Variants in DDX39B observed in about 807,000 individuals in gnomAD.
DDX39B encodes spliceosome RNA helicase DDX39B.
DDX39B carries 6 observed loss-of-function variants against 46.4 expected under a neutral mutation model. The observed-to-expected ratio is 0.13, with a 90% confidence interval of 0.07 to 0.26. The LOEUF is 0.26. Ranked by LOEUF, DDX39B falls within the 10% of genes least tolerant of loss-of-function variation. The pLI is 1.00. For synonymous variants in DDX39B, 174 were observed against 199.4 expected (o/e 0.87, Z 1.07); for missense variants, 185 against 553.4 (o/e 0.33, Z 6.68).
In DDX39B at chr6:31,534,547, A is replaced by C. The variant is rs1204628258; in HGVS notation, c.735+820T>G. The C allele has an allele frequency of 4.3e-6, 2 of 469,630 alleles. No individual in the cohort carries two copies. The highest frequency in any genetic ancestry group is 1.6e-5 in the South Asian group (1 of 64,240). The allele number at this position is 469,630 out of a possible 1,614,324, so 29.1% of individuals were successfully genotyped here. A position where few individuals can be genotyped will look rare whatever the true frequency, so the allele number is the denominator to read the frequency against. ...ACAAAAAAATTTTTTTAAGAAAAAAAATCTACCACCCCATTCAGGACACCC... is the reference window on the plus strand; with the variant it reads ...ACAAAAAAATTTTTTTAAGAAAAAACATCTACCACCCCATTCAGGACACCC... On this transcript the variant is annotated intron_variant, in intron 6 of 10. Transcript: ENST00000396172. This position sits in a 1 kb window ranked among gnomAD's most constrained non-coding sequence, Gnocchi z 5.1.
rs190494447 is a variant in DDX39B at position 31,541,368 on chromosome 6, C to G, written c.-133+582G>C. On this transcript the variant is annotated intron_variant, in intron 1 of 10. Coordinates refer to ENST00000396172, the MANE Select transcript of DDX39B (RefSeq NM_004640.7). ...TAATAGGTGACAGAGAAAGGCAATC[C>G]CCGCCCAGGCTTTAACAGGATCTTT... 3.5e-3 allele frequency: 1,298 copies of G among 374,768 alleles called. 44 individuals carry two copies. The highest frequency in any genetic ancestry group is 0.023 in the South Asian group (1,149 of 49,424). 23.2% of individuals were successfully genotyped at this position (374,768 alleles called of 1,614,324 possible). A position where few individuals can be genotyped will look rare whatever the true frequency, so the allele number is the denominator to read the frequency against.
At chr6:31,541,417 T>A (rs1170457943) in intron 1 of DDX39B, 5 of 371,192 alleles carry the variant, frequency 1.3e-5, no homozygotes, top group Non-Finnish European at 2.8e-5. Flanking sequence ...ACATCACTGT[T>A]ACGCTACGAA....
In DDX39B at chr6:31,531,169, A is replaced by G; in HGVS notation, c.1006T>C (p.Phe336Leu). Reference protein sequence around the residue: ...RLSRYQQFKDFQRRILVATNL... With the variant: ...RLSRYQQFKDLQRRILVATNL... ...GTAGCCACAAGAATTCGTCGTTGAA[A>G]ATCTTTAAACTGCTGATACCGAGAA... Residue 336 changes from phenylalanine (F) to leucine (L), a missense_variant, in exon 9 of 11, where the codon TTT becomes CTT. Around this residue, in one of 5 missense-constraint regions of DDX39B, gnomAD observed 110 missense variants for 282.2 expected, o/e 0.39. Transcript: ENST00000396172. This position sits in a 1 kb window ranked among gnomAD's most constrained non-coding sequence, Gnocchi z 5.8. 6.2e-7 allele frequency: 1 copy of G among 1,614,208 alleles called. No individual in the cohort carries two copies.
At position 31,530,942 on chromosome 6, in the gene DDX39B, G is replaced by A. The variant is rs752982461; in HGVS notation, c.1123-16C>T. The A allele has an allele frequency of 6.2e-7, 1 of 1,614,110 alleles. No individual in the cohort carries two copies. The highest frequency in any genetic ancestry group is 1.1e-5 in the South Asian group (1 of 91,082). ...CTCTGGCCACCTGGAGGGAGACAGAGGGTAGCACTGGAAGACCGAAGAGGA... is the reference window on the plus strand; with the variant it reads ...CTCTGGCCACCTGGAGGGAGACAGAAGGTAGCACTGGAAGACCGAAGAGGA... On this transcript the variant is annotated splice_polypyrimidine_tract_variant and intron_variant, in intron 9 of 10. Transcript: ENST00000396172. The surrounding 1 kb of genome is among the most constrained non-coding windows in gnomAD (Gnocchi z 4.5).
intron 2 of DDX39B, 47 bp from the exon 3 acceptor site, chr6:31,539,321 A>G (rs754377451): frequency 5.6e-6 from 9 of 1,594,192 alleles, no homozygotes; most frequent in Non-Finnish European, 7.7e-6. Context: ...CAGTCTCCAG[A>G]TAACTCTACC....
chr6:31,534,400 G>A lies in DDX39B; in HGVS notation c.735+967C>T. ...CATCCCACGGGAAGGAACACTGCAG[G>A]GAGGGGAAGAACACACTCCACTGCT... On this transcript the variant is annotated intron_variant, in intron 6 of 10. Transcript: ENST00000396172. The surrounding 1 kb of genome is among the most constrained non-coding windows in gnomAD (Gnocchi z 5.1). 1 of 454,250 alleles carries A rather than the reference G, an allele frequency of 2.2e-6. No individual in the cohort carries two copies. The allele number at this position is 454,250 out of a possible 1,614,324, so 28.1% of individuals were successfully genotyped here.
rs541237239 is a variant in DDX39B at position 31,534,548 on chromosome 6, A to G, written c.735+819T>C. On this transcript the variant is annotated intron_variant, in intron 6 of 10. Transcript: ENST00000396172. The surrounding 1 kb of genome is among the most constrained non-coding windows in gnomAD (Gnocchi z 5.1). The stretch of plus-strand genomic sequence containing the variant: ...CAAAAAAATTTTTTTAAGAAAAAAA[A>G]TCTACCACCCCATTCAGGACACCCC... 357 of 469,578 alleles carry G rather than the reference A, an allele frequency of 7.6e-4. No homozygotes were observed. Among genetic ancestry groups the G allele is most frequent in the Admixed American group, 1.3e-3 (53 of 42,304 alleles). 29.1% of individuals were successfully genotyped at this position (469,578 alleles called of 1,614,324 possible).
At position 31,538,745 on chromosome 6, in the gene DDX39B, C is replaced by G; in HGVS notation, c.432+18G>C. On this transcript the variant is annotated intron_variant, in intron 4 of 10. Transcript: ENST00000396172. ...ACTTGCCACACCCTCACTCTCAGGT[C>G]TCTTTACCTTGGCTTACCTTGACAT... 6.2e-7 allele frequency: 1 copy of G among 1,606,042 alleles called. No homozygotes were observed. Among genetic ancestry groups the G allele is most frequent in the Non-Finnish European group, 8.5e-7 (1 of 1,176,434 alleles).
chr6:31,532,740 G>A (rs751422375), intron 7 of DDX39B, 40 bp downstream of exon 7: 3 of 1,602,876 alleles, frequency 1.9e-6, no homozygotes, highest in East Asian at 2.2e-5. Flanking sequence ...TACAGCTGGA[G>A]TGCTCCAATG....
chr6:31,535,290 A>G lies in DDX39B; in HGVS notation c.735+77T>C. ...CTTCTTGGCACTTGAATGACAAGGGAGTCTGAGGAAGAGGGCGAGGAAGGG... is the reference window on the plus strand; with the variant it reads ...CTTCTTGGCACTTGAATGACAAGGGGGTCTGAGGAAGAGGGCGAGGAAGGG... On this transcript the variant is annotated intron_variant, in intron 6 of 10. Transcript: ENST00000396172. This position sits in a 1 kb window ranked among gnomAD's most constrained non-coding sequence, Gnocchi z 4.6. 7.3e-7 allele frequency: 1 copy of G among 1,373,508 alleles called. No individual in the cohort carries two copies. The allele number at this position is 1,373,508 out of a possible 1,614,324, so 85.1% of individuals were successfully genotyped here.
rs1006222148 is a variant in DDX39B at position 31,535,001 on chromosome 6, A to C, written c.735+366T>G. The C allele has an allele frequency of 9.5e-5, 30 of 316,254 alleles. No individual in the cohort carries two copies. Among genetic ancestry groups the C allele is most frequent in the Non-Finnish European group, 3.1e-5 (5 of 163,802 alleles). 19.6% of individuals were successfully genotyped at this position (316,254 alleles called of 1,614,324 possible). A position where few individuals can be genotyped will look rare whatever the true frequency, so the allele number is the denominator to read the frequency against. ...AGGCTCCAGCTGTACGCTCGATGCC[A>C]CCTTGAGGGTGCGTGGCTGTAGGGT... On this transcript the variant is annotated intron_variant, in intron 6 of 10. Coordinates refer to ENST00000396172, the MANE Select transcript of DDX39B (RefSeq NM_004640.7). The surrounding 1 kb of genome is among the most constrained non-coding windows in gnomAD (Gnocchi z 4.6).
In DDX39B at chr6:31,541,955, C is replaced by A; in HGVS notation, c.-138G>T. The A allele has an allele frequency of 1.5e-6, 1 of 668,574 alleles. No homozygotes were observed. Among genetic ancestry groups the A allele is most frequent in the Non-Finnish European group, 2.8e-6 (1 of 361,518 alleles). 41.4% of individuals were successfully genotyped at this position (668,574 alleles called of 1,614,324 possible). ...TAGCGAAGGCCAAAGCTTACCTAAA[C>A]AGGGAGAGCGCGTATGGCGGCAGCA... On this transcript the variant is annotated 5_prime_UTR_variant, in exon 1 of 11. Transcript: ENST00000396172.
At chr6:31,532,712 T>G (rs1767309976) in intron 7 of DDX39B, 68 bp downstream of exon 7, 7 of 1,567,150 alleles carry the variant, frequency 4.5e-6, no homozygotes, top group Middle Eastern at 2.3e-4. Flanking sequence ...AAAGTGTACT[T>G]AATATCCAGG....
Position 31,531,110 on chromosome 6 carries a change from C to T in DDX39B, c.1065G>A (p.Arg355=). The change falls in exon 9 of 11, where the codon CGG becomes CGA. Residue 355 remains arginine (R), a synonymous_variant. Coordinates refer to ENST00000396172, the MANE Select transcript of DDX39B (RefSeq NM_004640.7). This position sits in a 1 kb window ranked among gnomAD's most constrained non-coding sequence, Gnocchi z 5.8. The part of the protein sequence containing the change: ...NLFGRGMDIE[R]VNIAFNYDMP... ...TGTCATAATTAAAAGCAATGTTCAC[C>T]CGCTCGATGTCCATGCCTCGGCCAA... The T allele has an allele frequency of 2.5e-6, 4 of 1,614,142 alleles. No homozygotes were observed. The highest frequency in any genetic ancestry group is 3.4e-6 in the Non-Finnish European group (4 of 1,180,026).
intron 7 of DDX39B, 101 bp downstream of exon 7, chr6:31,532,679 T>A: frequency 6.8e-7 from 1 of 1,460,718 alleles, no homozygotes. Flanking sequence ...CTCTCCCACA[T>A]CACACATGTG....
At chr6:31,532,294 A>G (rs1292476731) in intron 7 of DDX39B, 2 of 155,860 alleles carry the variant, frequency 1.3e-5, no homozygotes. Context: ...GCTGGAGCAC[A>G]GTAGTGCAAT....
intron 3 of DDX39B, 123 bp downstream of exon 3, chr6:31,539,024 G>A (rs2523512): frequency 0.17 from 263,633 of 1,555,856 alleles, 23,220 homozygotes; most frequent in South Asian, 0.26. Flanking sequence ...CAGCTGTCAG[G>A]TTGTCAAGGG....
intron 1 of DDX39B, 69 bp from the exon 2 acceptor site, chr6:31,540,733 C>A: frequency 1.7e-6 from 1 of 589,946 alleles, no homozygotes; most frequent in Non-Finnish European, 3.0e-6. Flanking sequence ...TTTCCATCCC[C>A]AGTTCCCACT....
chr6:31,535,310 G>A lies in DDX39B; in HGVS notation c.735+57C>T, dbSNP rs1346696766. The stretch of plus-strand genomic sequence containing the variant: ...AAGGGAGTCTGAGGAAGAGGGCGAG[G>A]AAGGGGAGGAGGCAGCGGGCGGGGA... On this transcript the variant is annotated intron_variant, in intron 6 of 10. Coordinates refer to ENST00000396172, the MANE Select transcript of DDX39B (RefSeq NM_004640.7). The surrounding 1 kb of genome is among the most constrained non-coding windows in gnomAD (Gnocchi z 4.6). The A allele has an allele frequency of 1.3e-6, 2 of 1,529,098 alleles. No homozygotes were observed. Among genetic ancestry groups the A allele is most frequent in the South Asian group, 1.1e-5 (1 of 89,358 alleles). The allele number at this position is 1,529,098 out of a possible 1,614,324, so 94.7% of individuals were successfully genotyped here.
Sources: allele counts gnomAD v4.1 joint callset, GRCh38; gene constraint gnomAD v4.1.1; regional missense constraint gnomAD v4.1.1; non-coding constraint Gnocchi (gnomAD v3.1); transcripts MANE v1.5; gene names NCBI Gene and HGNC (gene_info 2026-07-23, HGNC 2026-07-21).